Variants in PRKCH observed in about 807,000 individuals in gnomAD.
The protein encoded by PRKCH is protein kinase C eta type.
PRKCH carries 28 observed loss-of-function variants against 82.5 expected under a neutral mutation model. The ratio of observed to expected loss-of-function variants is 0.34; its 90% confidence interval spans 0.25 to 0.47. PRKCH has a LOEUF of 0.47. PRKCH is among the 20% of genes least tolerant of loss of function. The pLI is 1.00. For synonymous variants in PRKCH, 322 were observed against 327.4 expected (o/e 0.98, Z 0.18); for missense variants, 705 against 881.8 (o/e 0.80, Z 2.54).
chr14:61,458,897 A>C (rs1001468649), intron 9 of PRKCH, among the ~76,000 whole-genome samples: 1 of 152,172 alleles, frequency 6.6e-6, no homozygotes, highest in African/African-American at 2.4e-5. Flanking sequence ...CCCCAACATT[A>C]GAGATTCCAA....
intron 10 of PRKCH, among the ~76,000 whole-genome samples, chr14:61,505,431 G>C (rs559257525): frequency 4.1e-4 from 38 of 92,004 alleles, no homozygotes; most frequent in Admixed American, 1.9e-3. Context: ...TTTTGAGGTG[G>C]AGTCTTGCTC....
intron 1 of PRKCH, among the ~76,000 whole-genome samples, chr14:61,339,889 TGCCCAG>T (rs1212436605): frequency 1.3e-5 from 2 of 151,806 alleles, no homozygotes; most frequent in Non-Finnish European, 2.9e-5. Flanking sequence ...TCCTCTAGGT[TGCCCAG>T]GCTGGTCTCC....
chr14:61,284,282 G>A (rs1190439155), intron 1 of PRKCH, among the ~76,000 whole-genome samples: 1 of 152,246 alleles, frequency 6.6e-6, no homozygotes, highest in Non-Finnish European at 1.5e-5. Flanking sequence ...GAATTTGAAA[G>A]ATAAAAAATT....
intron 9 of PRKCH, among the ~76,000 whole-genome samples, chr14:61,474,548 G>T (rs1042625239): frequency 6.6e-5 from 10 of 152,176 alleles, no homozygotes; most frequent in African/African-American, 2.4e-4. Context: ...ACACACTGGG[G>T]CCTGGCAGGG....
upstream of PRKCH, among the ~76,000 whole-genome samples, chr14:61,320,644 T>TG (rs552995173): frequency 1.7e-4 from 26 of 152,182 alleles, no homozygotes; most frequent in East Asian, 5.0e-3. Context: ...CTAGGCTTTT[T>TG]GGGGAACAAA....
At chr14:61,420,374 GACAGAAACTGTACCTCATTT>G (rs941572133) in intron 2 of PRKCH, among the ~76,000 whole-genome samples, 2 of 152,242 alleles carry the variant, frequency 1.3e-5, no homozygotes, top group African/African-American at 2.4e-5. Context: ...CTGTCCCACA[GACAGAAACTGTACCTCATTT>G]ATGTGGGCAT....
At chr14:61,189,097 C>T (rs2044390349) in intron 1 of PRKCH, among the ~76,000 whole-genome samples, 1 of 152,228 alleles carries the variant, frequency 6.6e-6, no homozygotes. Flanking sequence ...CGATCTGCTC[C>T]TTCGGAAGAA....
At chr14:61,422,801 T>A (rs137924498) in intron 2 of PRKCH, among the ~76,000 whole-genome samples, 1,896 of 152,258 alleles carry the variant, frequency 0.012, 43 homozygotes, top group African/African-American at 0.043. Flanking sequence ...CCATTTTTTT[T>A]AAAAGAAGCA....
intron 1 of PRKCH, among the ~76,000 whole-genome samples, chr14:61,196,239 A>AC (rs1200757636): frequency 2.0e-5 from 3 of 152,216 alleles, no homozygotes; most frequent in Admixed American, 2.0e-4. Flanking sequence ...ACCTAGTGTT[A>AC]AGAAGCAAAG....
Position 61,547,169 on chromosome 14 carries a change from G to T in PRKCH, c.1762-574G>T, listed in dbSNP as rs79114149. Reference sequence around the variant, plus strand: ...TTTCATCTAGAGCTATGATATCTTCGCTGCATAAAGAAAAGTGGCCAACTT... The same window carrying T: ...TTTCATCTAGAGCTATGATATCTTCTCTGCATAAAGAAAAGTGGCCAACTT... On this transcript the variant is annotated intron_variant, in intron 12 of 13. Transcript: ENST00000332981. Among the ~76,000 whole-genome samples the T allele has an allele frequency of 2.4e-3, 370 of 152,290 alleles. 5 individuals are homozygous for T. In the East Asian group the frequency reaches 0.035, roughly 14 times the overall value.
At chr14:61,536,291 G>T (rs2043108044) in intron 12 of PRKCH, among the ~76,000 whole-genome samples, 1 of 152,184 alleles carries the variant, frequency 6.6e-6, no homozygotes, top group African/African-American at 2.4e-5. Context: ...AACCTCCAGG[G>T]TAGTAATGAA....
chr14:61,400,747 C>T (rs918152094), intron 2 of PRKCH, among the ~76,000 whole-genome samples: 4 of 152,162 alleles, frequency 2.6e-5, no homozygotes, highest in African/African-American at 9.7e-5. Flanking sequence ...AGTACCTCTA[C>T]GTGTTCATAC....
chr14:61,544,896 G>A (rs369178858), intron 12 of PRKCH, among the ~76,000 whole-genome samples: 1 of 152,048 alleles, frequency 6.6e-6, no homozygotes, highest in Admixed American at 6.5e-5. Flanking sequence ...ATTCTTCCAC[G>A]GCCCTCTAGA....
chr14:61,433,317 C>G (rs982478417), intron 2 of PRKCH, among the ~76,000 whole-genome samples: 2 of 151,878 alleles, frequency 1.3e-5, no homozygotes, highest in African/African-American at 4.8e-5. Context: ...ATCATGAAAC[C>G]AGAACTTGAG....
chr14:61,294,998 G>A (rs1344779353), intron 1 of PRKCH, among the ~76,000 whole-genome samples: 2 of 151,988 alleles, frequency 1.3e-5, no homozygotes, highest in Admixed American at 1.3e-4. Context: ...TCAGCCTCCC[G>A]AGTAGCTGGG....
chr14:61,370,316 G>A (rs549735955), intron 1 of PRKCH, among the ~76,000 whole-genome samples: 12 of 152,218 alleles, frequency 7.9e-5, no homozygotes, highest in African/African-American at 2.2e-4. Context: ...GAGAAAAAGC[G>A]AAGGGATGAG....
intron 1 of PRKCH, among the ~76,000 whole-genome samples, chr14:61,206,094 G>A (rs2044521394): frequency 6.6e-6 from 1 of 152,182 alleles, no homozygotes; most frequent in Non-Finnish European, 1.5e-5. Context: ...AGATAGGAAG[G>A]TCAAGTTCAG....
intron 1 of PRKCH, among the ~76,000 whole-genome samples, chr14:61,249,614 T>G (rs1240764829): frequency 6.6e-6 from 1 of 151,736 alleles, no homozygotes; most frequent in African/African-American, 2.4e-5. Context: ...AATGGCAAAT[T>G]TTTTTTTATT....
chr14:61,491,059 T>C (rs1886431698), intron 10 of PRKCH, among the ~76,000 whole-genome samples: 1 of 152,266 alleles, frequency 6.6e-6, no homozygotes, highest in East Asian at 1.9e-4. Context: ...GATTCCCACC[T>C]CCTAGGACCT....
Sources: allele counts gnomAD v4.1 joint callset (sites outside exome capture counted in the v4.1 genomes callset), GRCh38; gene constraint gnomAD v4.1.1; transcripts MANE v1.5; gene names NCBI Gene and HGNC (gene_info 2026-07-23, HGNC 2026-07-21).